The following TNKS variants were observed in gnomAD, a reference collection of about 807,000 sequenced individuals.
TNKS encodes the protein tankyrase.
A neutral mutation model predicts 135.8 loss-of-function variants in TNKS; 72 were observed. The observed-to-expected ratio is 0.53, with a 90% confidence interval of 0.44 to 0.64. The LOEUF is 0.64. Among genes scored for constraint, TNKS ranks in the 30% least tolerant of loss-of-function variants. The pLI, the probability that TNKS is intolerant of heterozygous loss-of-function variation, is 0.00. For synonymous variants in TNKS, 849 were observed against 649.3 expected (o/e 1.31, Z -4.68); for missense variants, 1,769 against 1,674.0 (o/e 1.06, Z -0.99).
intron 3 of TNKS, among the ~76,000 whole-genome samples, chr8:9,651,622 G>C (rs1041894395): frequency 1.3e-5 from 2 of 152,166 alleles, no homozygotes; most frequent in Admixed American, 1.3e-4. Context: ...CAGTAGTTCA[G>C]AAATATCTGT....
chr8:9,715,952 C>A (rs1804581739), intron 11 of TNKS, among the ~76,000 whole-genome samples: 2 of 152,098 alleles, frequency 1.3e-5, no homozygotes, highest in African/African-American at 4.8e-5. Flanking sequence ...AATGAATTGT[C>A]TGCTCTCATT....
intron 17 of TNKS, among the ~76,000 whole-genome samples, chr8:9,742,742 A>G (rs910803967): frequency 6.7e-6 from 1 of 148,826 alleles, no homozygotes; most frequent in Admixed American, 6.7e-5. Context: ...TTAAAATATA[A>G]TGAATTAAAT....
At chr8:9,710,847 G>T (rs1167600059) in intron 11 of TNKS, among the ~76,000 whole-genome samples, 1 of 152,148 alleles carries the variant, frequency 6.6e-6, no homozygotes, top group Admixed American at 6.5e-5. Flanking sequence ...AGTGAGCTGA[G>T]ATTGCGCCAC....
rs1808314465 is a variant in TNKS, at chr8:9,778,250, G to A, written c.*1514G>A. 6.6e-6 allele frequency: 1 copy of A among 152,434 alleles called. No individual in the cohort carries two copies. Among genetic ancestry groups the A allele is most frequent in the Non-Finnish European group, 1.5e-5 (1 of 68,026 alleles). The allele number at this position is 152,434 out of a possible 1,614,324, so 9.4% of individuals were successfully genotyped here. On this transcript the variant is annotated 3_prime_UTR_variant, in exon 27 of 27. Transcript: ENST00000310430. ...ACTTGATATACTGTGCATCTACTCT[G>A]CTTTGAAGCGAAAGAAATATAAACA... is the stretch of plus-strand genomic sequence containing the variant.
At chr8:9,573,301 G>C (rs1191717691) in intron 1 of TNKS, among the ~76,000 whole-genome samples, 1 of 152,140 alleles carries the variant, frequency 6.6e-6, no homozygotes, top group Non-Finnish European at 1.5e-5. Flanking sequence ...GCTGCCACAT[G>C]GTCAGATAAC....
At chr8:9,750,665 C>T (rs1302151336) in intron 18 of TNKS, among the ~76,000 whole-genome samples, 1 of 152,188 alleles carries the variant, frequency 6.6e-6, no homozygotes, top group African/African-American at 2.4e-5. Context: ...CACCAGCACC[C>T]CACTTCCAGG....
intron 2 of TNKS, among the ~76,000 whole-genome samples, chr8:9,586,926 G>A (rs1025012716): frequency 1.3e-5 from 2 of 152,076 alleles, no homozygotes; most frequent in African/African-American, 4.8e-5. Context: ...CGGCGTACCT[G>A]GAGAGTACTG....
chr8:9,670,335 G>A (rs1174038348), intron 3 of TNKS: 2 of 152,178 alleles, frequency 1.3e-5, no homozygotes, highest in African/African-American at 2.4e-5. Flanking sequence ...AGGAGAAATG[G>A]AAGGTGGAGA....
intron 11 of TNKS, among the ~76,000 whole-genome samples, chr8:9,719,402 G>C (rs1804758497): frequency 6.6e-6 from 1 of 152,174 alleles, no homozygotes; most frequent in African/African-American, 2.4e-5. Flanking sequence ...AGAGGACCCA[G>C]AAAGTCTGTG....
At chr8:9,563,460 C>G (rs979855569) in intron 1 of TNKS, among the ~76,000 whole-genome samples, 1 of 151,960 alleles carries the variant, frequency 6.6e-6, no homozygotes, top group African/African-American at 2.4e-5. Flanking sequence ...TTTCCATAGA[C>G]TATATGTAAA....
intron 2 of TNKS, among the ~76,000 whole-genome samples, chr8:9,586,387 A>T (rs186891708): frequency 7.9e-5 from 12 of 152,276 alleles, no homozygotes; most frequent in African/African-American, 2.2e-4. Context: ...CAGAACTTCA[A>T]TTGATTATTT....
At position 9,706,286 on chromosome 8, in the gene TNKS, AC is replaced by A. The variant is rs1804040719; in HGVS notation, c.1269+34del. On this transcript the variant is annotated intron_variant, in intron 7 of 26. Coordinates refer to ENST00000310430, the MANE Select transcript of TNKS (RefSeq NM_003747.3). ...AAATTCAGAATATTGAGCATCATTT[AC>A]TTTTTTTTTTTTTCTTTACCTTGTC... The A allele has an allele frequency of 6.8e-6, 9 of 1,325,038 alleles. No individual in the cohort carries two copies. In the Admixed American group the frequency reaches 9.7e-5, roughly 14 times the overall value. 82.1% of individuals were successfully genotyped at this position (1,325,038 alleles called of 1,614,324 possible).
intron 24 of TNKS, 114 bp from the exon 25 acceptor site, chr8:9,766,125 C>A: frequency 1.1e-6 from 1 of 881,264 alleles, no homozygotes; most frequent in Middle Eastern, 3.5e-4. Context: ...AAATACTTTT[C>A]ATTTATACAC....
chr8:9,751,645 C>A lies in TNKS; in HGVS notation c.2869C>A (p.Pro957Thr). The A allele has an allele frequency of 6.2e-7, 1 of 1,614,088 alleles. No individual in the cohort carries two copies. Among genetic ancestry groups the A allele is most frequent in the Non-Finnish European group, 8.5e-7 (1 of 1,179,996 alleles). The change falls in exon 19 of 27, where the codon CCC becomes ACC. Residue 957 changes from proline to threonine, a missense_variant. Around this residue, in one of 5 missense-constraint regions of TNKS, gnomAD observed 722 missense variants for 688.9 expected, o/e 1.05. Coordinates refer to ENST00000310430, the MANE Select transcript of TNKS (RefSeq NM_003747.3). ...CAGAGCTTTGCTGATAGATGCCATGCCCCCAGAGGCCTTACCTACCTGTTT... is the reference window on the plus strand; with the variant it reads ...CAGAGCTTTGCTGATAGATGCCATGACCCCAGAGGCCTTACCTACCTGTTT... ...DIRALLIDAM[P>T]PEALPTCFKP... is the part of the protein sequence containing the mutation.
Position 9,761,649 on chromosome 8 carries a change from GAAA to G in TNKS, c.3274+24_3274+26del, listed in dbSNP as rs372015227. The G allele has an allele frequency of 3.8e-6, 5 of 1,330,552 alleles. No individual in the cohort carries two copies. Among genetic ancestry groups the G allele is most frequent in the African/African-American group, 1.5e-5 (1 of 64,714 alleles). 82.4% of individuals were successfully genotyped at this position (1,330,552 alleles called of 1,614,324 possible). On this transcript the variant is annotated intron_variant, in intron 21 of 26. Transcript: ENST00000310430. ...GGTGGACAACAAGGTAAGCTATTCA[GAAA>G]AAAAAAAAAATTTCAGAAATCAGTG...
intron 12 of TNKS, among the ~76,000 whole-genome samples, chr8:9,724,283 C>T (rs536812945): frequency 6.6e-6 from 1 of 152,144 alleles, no homozygotes; most frequent in Admixed American, 6.5e-5. Context: ...AACCCCGTCT[C>T]TACTTAAAAA....
chr8:9,706,055 ATTAT>A (rs1490860218), intron 6 of TNKS, 128 bp from the exon 7 acceptor site: 3 of 497,132 alleles, frequency 6.0e-6, no homozygotes, highest in Non-Finnish European at 9.8e-6. Flanking sequence ...GAATTCTTTT[ATTAT>A]TTTATTAAAT....
intron 3 of TNKS, among the ~76,000 whole-genome samples, chr8:9,625,447 C>G (rs1800021922): frequency 6.6e-6 from 1 of 150,800 alleles, no homozygotes. Flanking sequence ...TCATTTTGCT[C>G]TTTTTCTGGG....
chr8:9,650,905 GA>G (rs2128781050), intron 3 of TNKS, among the ~76,000 whole-genome samples: 2 of 152,258 alleles, frequency 1.3e-5, no homozygotes, highest in African/African-American at 4.8e-5. Context: ...CTAATGTCTA[GA>G]AGAGTTTTTC....
Sources: gnomAD v4.1 joint callset for allele counts (sites outside exome capture counted in the v4.1 genomes callset) on GRCh38, gnomAD v4.1.1 for gene constraint, gnomAD v4.1.1 regional missense constraint, MANE v1.5 for transcripts, NCBI Gene and HGNC (gene_info 2026-07-23, HGNC 2026-07-21) for gene names.